SIDT1: variants seen among roughly 807,000 people sequenced by gnomAD.
SIDT1 encodes SID1 transmembrane family, member 1.
SIDT1 carries 101 observed loss-of-function variants against 107.5 expected under a neutral mutation model. That is an observed-to-expected ratio of 0.94 (90% CI 0.80 to 1.11). The LOEUF is 1.11. SIDT1 is among the 50% of genes least tolerant of loss of function. The probability of loss-of-function intolerance (pLI) is 0.00; values close to 1 mark genes in which losing one functional copy is unlikely to be tolerated. For missense variants in SIDT1, 1,076 were observed against 1,058.2 expected, an observed-to-expected ratio of 1.02 and a Z score of -0.23; for synonymous variants, 395 against 398.2, an observed-to-expected ratio of 0.99 and a Z score of 0.10.
At chr3:113,599,613 C>G (rs12635864) in intron 10 of SIDT1, among the ~76,000 whole-genome samples, 50,102 of 152,076 alleles carry the variant, frequency 0.33, 9,013 homozygotes, top group East Asian at 0.45. Flanking sequence ...GGATGTTATG[C>G]TAAGTGGAAT....
intron 1 of SIDT1, among the ~76,000 whole-genome samples, chr3:113,556,098 G>A (rs542334669): frequency 2.6e-5 from 4 of 152,218 alleles, no homozygotes; most frequent in African/African-American, 4.8e-5. Flanking sequence ...TGAAGAAACC[G>A]AGGGCGAGAT....
intron 7 of SIDT1, 113 bp downstream of exon 7, chr3:113,583,609 C>G: frequency 4.6e-6 from 3 of 651,534 alleles, no homozygotes; most frequent in Non-Finnish European, 7.6e-6. Context: ...GTTCCATCAT[C>G]ATGATGGGAA....
At chr3:113,555,868 GC>G (rs1940804124) in intron 1 of SIDT1, among the ~76,000 whole-genome samples, 97 of 58,880 alleles carry the variant, frequency 1.6e-3, no homozygotes, top group African/African-American at 5.7e-3. Flanking sequence ...TTTTTTTTTT[GC>G]CCGGGGTGAT....
intron 19 of SIDT1, 157 bp downstream of exon 19, chr3:113,612,351 G>A: frequency 1.4e-6 from 1 of 690,580 alleles, no homozygotes; most frequent in Non-Finnish European, 2.6e-6. Flanking sequence ...CGCTCCAAGA[G>A]CTTCCTCTCC....
rs78775150 is a variant in SIDT1 at position 113,612,053 on chromosome 3, T to C, written c.1858-33T>C. ...TTTGATGAGTTTTCTAGGGAAAACC[T>C]CAGATGAAGGTAACTTCCATCTTTA... On this transcript the variant is annotated intron_variant, in intron 18 of 24. Coordinates refer to ENST00000264852, the MANE Select transcript of SIDT1 (RefSeq NM_017699.3). 6,507 of 1,503,686 alleles carry C rather than the reference T, an allele frequency of 4.3e-3. 164 individuals carry two copies. The Admixed American group carries it at 0.054, about 12-fold the overall frequency. 93.1% of individuals were successfully genotyped at this position (1,503,686 alleles called of 1,614,324 possible). A position where few individuals can be genotyped will look rare whatever the true frequency, so the allele number is the denominator to read the frequency against.
At chr3:113,601,361 C>A (rs1944946054) in intron 10 of SIDT1, 3 of 383,498 alleles carry the variant, frequency 7.8e-6, no homozygotes, top group Non-Finnish European at 4.7e-6. Flanking sequence ...GGATTTTTTC[C>A]CCAGTCATTT....
At chr3:113,559,904 G>A (rs989423540) in intron 1 of SIDT1, among the ~76,000 whole-genome samples, 12 of 152,048 alleles carry the variant, frequency 7.9e-5, no homozygotes, top group Non-Finnish European at 1.3e-4. Flanking sequence ...CTCCTGTATG[G>A]TGTTTATATA....
intron 1 of SIDT1, among the ~76,000 whole-genome samples, chr3:113,547,044 A>G (rs1166885194): frequency 6.6e-6 from 1 of 152,186 alleles, no homozygotes; most frequent in Non-Finnish European, 1.5e-5. Flanking sequence ...CAGATGATAT[A>G]ATCAATCTTT....
chr3:113,584,956 C>T (rs929897775), intron 8 of SIDT1, among the ~76,000 whole-genome samples, 187 bp downstream of exon 8: 10 of 152,100 alleles, frequency 6.6e-5, no homozygotes, highest in African/African-American at 2.2e-4. Flanking sequence ...GGACCTCAAT[C>T]GTGAAGTCCC....
intron 1 of SIDT1, among the ~76,000 whole-genome samples, chr3:113,537,478 T>G (rs768064980): frequency 4.6e-5 from 7 of 152,212 alleles, no homozygotes; most frequent in Non-Finnish European, 8.8e-5. Context: ...ATGGCCTGAG[T>G]TCTCCATGTC....
intron 21 of SIDT1, among the ~76,000 whole-genome samples, chr3:113,622,325 G>A (rs1482456008): frequency 3.3e-5 from 5 of 151,798 alleles, no homozygotes; most frequent in South Asian, 2.1e-4. Flanking sequence ...TTAGCTGGGC[G>A]TGGTGGCATG....
intron 1 of SIDT1, among the ~76,000 whole-genome samples, chr3:113,534,320 CA>C (rs1937851128): frequency 6.6e-6 from 1 of 152,174 alleles, no homozygotes; most frequent in Non-Finnish European, 1.5e-5. Context: ...TTGTATTGAG[CA>C]GGGGGGACCA....
chr3:113,533,184 G>C lies in SIDT1; in HGVS notation c.163G>C (p.Val55Leu). ...CGATTTCGATCATGTCTACAGCGGG[G>C]TGGTGAACCTCAGCACCGAGAACAT... ...GADFDHVYSG[V>L]VNLSTENIYS... Residue 55 changes from valine (V) to leucine (L), a missense_variant, in exon 1 of 25, where the codon GTG becomes CTG. Transcript: ENST00000264852. 1 of 1,576,542 alleles carries C rather than the reference G, an allele frequency of 6.3e-7. No homozygotes were observed. The highest frequency in any genetic ancestry group is 8.6e-7 in the Non-Finnish European group (1 of 1,162,550).
At chr3:113,569,484 C>T (rs564530804) in intron 3 of SIDT1, among the ~76,000 whole-genome samples, 1 of 152,276 alleles carries the variant, frequency 6.6e-6, no homozygotes, top group East Asian at 1.9e-4. Flanking sequence ...AAATTTAAGG[C>T]AGTTTATAAA....
At chr3:113,546,351 T>G (rs959856269) in intron 1 of SIDT1, among the ~76,000 whole-genome samples, 2 of 152,142 alleles carry the variant, frequency 1.3e-5, no homozygotes, top group Admixed American at 1.3e-4. Flanking sequence ...AATGAAAATT[T>G]TACTGTTGCT....
At chr3:113,536,828 A>G (rs1422869711) in intron 1 of SIDT1, among the ~76,000 whole-genome samples, 1 of 152,256 alleles carries the variant, frequency 6.6e-6, no homozygotes. Context: ...GTTAGGCAAG[A>G]TCATGATTCA....
At chr3:113,569,138 C>CAAAAAAA (rs780715523) in intron 3 of SIDT1, among the ~76,000 whole-genome samples, 79 of 55,334 alleles carry the variant, frequency 1.4e-3, no homozygotes, top group Middle Eastern at 0.011. Flanking sequence ...GACTCCCTCT[C>CAAAAAAA]AAAAAAAAAA....
At chr3:113,627,549 TAACA>T in intron 24 of SIDT1, 93 bp from the exon 25 acceptor site, 1 of 1,156,316 alleles carries the variant, frequency 8.6e-7, no homozygotes, top group Non-Finnish European at 1.3e-6. Flanking sequence ...GAGAGGGAAC[TAACA>T]GTTTCCAGTC....
intron 9 of SIDT1, among the ~76,000 whole-genome samples, chr3:113,588,465 T>C (rs907776045): frequency 6.6e-6 from 1 of 152,216 alleles, no homozygotes; most frequent in Non-Finnish European, 1.5e-5. Flanking sequence ...CTATTACGAA[T>C]ACCTATGGGG....
Sources: allele counts gnomAD v4.1 joint callset (sites outside exome capture counted in the v4.1 genomes callset), GRCh38; gene constraint gnomAD v4.1.1; transcripts MANE v1.5; gene names NCBI Gene and HGNC (gene_info 2026-07-23, HGNC 2026-07-21).